Variants in CSTPP1 observed in about 807,000 individuals in gnomAD.
CSTPP1 encodes centriolar satellite-associated tubulin polyglutamylase complex regulator 1.
chr11:47,162,469 C>T, the CSTPP1 span, among the ~76,000 whole-genome samples: 4 of 152,176 alleles, frequency 2.6e-5, no homozygotes, highest in Non-Finnish European at 5.9e-5. Flanking sequence ...TCAGAGGGTT[C>T]AAGGCCAGGT....
chr11:47,122,504 C>T, the CSTPP1 span, among the ~76,000 whole-genome samples: 4 of 152,256 alleles, frequency 2.6e-5, no homozygotes, highest in South Asian at 8.3e-4. Context: ...CTTCCTTCCA[C>T]AGCTTTGTTA....
the CSTPP1 span, among the ~76,000 whole-genome samples, chr11:46,955,994 C>A: frequency 0.011 from 1,619 of 149,342 alleles, 38 homozygotes; most frequent in African/African-American, 0.036. Context: ...CCACCCCCCC[C>A]CCCCCACCAA....
the CSTPP1 span, among the ~76,000 whole-genome samples, chr11:47,112,244 TTC>T: frequency 1.3e-5 from 2 of 152,206 alleles, no homozygotes; most frequent in African/African-American, 2.4e-5. Flanking sequence ...ACTTGCTGTA[TTC>T]TCTTTTTTTC....
the CSTPP1 span, among the ~76,000 whole-genome samples, chr11:46,974,263 C>T: frequency 6.6e-6 from 1 of 152,178 alleles, no homozygotes; most frequent in East Asian, 1.9e-4. Context: ...CGCAGTGGCT[C>T]ACGCCTGTAA....
At chr11:47,037,969 A>AG in the CSTPP1 span, among the ~76,000 whole-genome samples, 2 of 108,510 alleles carry the variant, frequency 1.8e-5, no homozygotes, top group Non-Finnish European at 4.5e-5. Context: ...GCGGCCGGGC[A>AG]GAGGGCTGAC....
At chr11:47,086,044 G>A in the CSTPP1 span, among the ~76,000 whole-genome samples, 1 of 151,732 alleles carries the variant, frequency 6.6e-6, no homozygotes. Flanking sequence ...GGTCACTTCA[G>A]CAGACTTGAC....
At chr11:47,104,205 T>C in the CSTPP1 span, among the ~76,000 whole-genome samples, 1 of 152,180 alleles carries the variant, frequency 6.6e-6, no homozygotes, top group Non-Finnish European at 1.5e-5. Flanking sequence ...TCCCTGCCGA[T>C]TGATTTCTTA....
the CSTPP1 span, among the ~76,000 whole-genome samples, chr11:47,001,622 T>G: frequency 6.6e-6 from 1 of 152,112 alleles, no homozygotes; most frequent in African/African-American, 2.4e-5. Flanking sequence ...AAAACGTAAC[T>G]CTAATGAAAA....
the CSTPP1 span, among the ~76,000 whole-genome samples, chr11:47,082,647 T>C: frequency 6.6e-6 from 1 of 152,058 alleles, no homozygotes; most frequent in African/African-American, 2.4e-5. Flanking sequence ...CCAAAATCAG[T>C]TTTAGAATAT....
chr11:47,065,832 C>T, the CSTPP1 span, among the ~76,000 whole-genome samples: 1 of 151,924 alleles, frequency 6.6e-6, no homozygotes, highest in African/African-American at 2.4e-5. Context: ...CAACCTCCGC[C>T]ACCCGGGTTC....
the CSTPP1 span, among the ~76,000 whole-genome samples, chr11:47,113,801 T>C: frequency 2.0e-5 from 3 of 152,248 alleles, no homozygotes; most frequent in Non-Finnish European, 4.4e-5. Context: ...TTAGGTTGCC[T>C]GTTCACTCTG....
the CSTPP1 span, among the ~76,000 whole-genome samples, chr11:47,008,630 T>C: frequency 6.6e-6 from 1 of 152,144 alleles, no homozygotes; most frequent in African/African-American, 2.4e-5. Context: ...TGTGAACCAC[T>C]GTGCCTAGCC....
At chr11:47,134,916 C>T in the CSTPP1 span, among the ~76,000 whole-genome samples, 1 of 152,132 alleles carries the variant, frequency 6.6e-6, no homozygotes, top group Admixed American at 6.5e-5. Flanking sequence ...CAAGACTAGC[C>T]TGGGTGACGG....
the CSTPP1 span, among the ~76,000 whole-genome samples, chr11:47,031,651 C>T: frequency 1.5e-4 from 22 of 150,814 alleles, no homozygotes; most frequent in African/African-American, 4.1e-4. Context: ...GAGCTATGAT[C>T]GTGCCACTGC....
the CSTPP1 span, among the ~76,000 whole-genome samples, chr11:46,972,057 C>T: frequency 2.6e-5 from 4 of 152,146 alleles, no homozygotes; most frequent in Non-Finnish European, 4.4e-5. Flanking sequence ...CCTATAGTAC[C>T]ATTCAAATTC....
At chr11:47,082,781 T>C in the CSTPP1 span, among the ~76,000 whole-genome samples, 1 of 152,194 alleles carries the variant, frequency 6.6e-6, no homozygotes, top group Non-Finnish European at 1.5e-5. Flanking sequence ...TCTGTGGATA[T>C]GCCTATTCTG....
chr11:46,948,275 C>G, the CSTPP1 span: 1 of 401,108 alleles, frequency 2.5e-6, no homozygotes, highest in South Asian at 1.8e-5. Flanking sequence ...CCTCTTCTGT[C>G]CCATCTTAGT....
the CSTPP1 span, among the ~76,000 whole-genome samples, chr11:46,994,286 T>C: frequency 9.7e-4 from 148 of 152,304 alleles, no homozygotes; most frequent in Admixed American, 3.1e-3. Context: ...TCCTGCCTAA[T>C]TGCCCTGGCC....
At chr11:47,079,241 T>C in the CSTPP1 span, among the ~76,000 whole-genome samples, 2 of 152,184 alleles carry the variant, frequency 1.3e-5, no homozygotes, top group Non-Finnish European at 2.9e-5. Context: ...TGCATGGACA[T>C]CTGGACACAA....
Sources: gnomAD v4.1 joint callset for allele counts (sites outside exome capture counted in the v4.1 genomes callset) on GRCh38, gnomAD v4.1.1 for gene constraint, MANE v1.5 for transcripts, NCBI Gene and HGNC (gene_info 2026-07-23, HGNC 2026-07-21) for gene names.